The following IL15RA variants were observed in gnomAD, a reference collection of about 807,000 sequenced individuals.
IL15RA encodes interleukin 15 receptor subunit alpha.
IL15RA carries 26 observed loss-of-function variants against 24.2 expected under a neutral mutation model. That is an observed-to-expected ratio of 1.07 (90% CI 0.79 to 1.49). The LOEUF (loss-of-function observed/expected upper bound fraction) is 1.49. Among genes scored for constraint, IL15RA ranks in the 40% most tolerant of loss-of-function variants. The pLI, the probability that IL15RA is intolerant of heterozygous loss-of-function variation, is 0.00. For synonymous variants in IL15RA, 166 were observed against 157.6 expected (o/e 1.05, Z -0.40); for missense variants, 354 against 356.4 (o/e 0.99, Z 0.05).
chr10:5,953,437 G>C lies in IL15RA; in HGVS notation c.693-231C>G. 1 of 688,806 alleles carries C rather than the reference G, an allele frequency of 1.5e-6. No homozygotes were observed. The highest frequency in any genetic ancestry group is 2.7e-6 in the Non-Finnish European group (1 of 376,630). The allele number at this position is 688,806 out of a possible 1,614,324, so 42.7% of individuals were successfully genotyped here. On this transcript the variant is annotated intron_variant, in intron 6 of 6. Transcript: ENST00000379977. This position sits in a 1 kb window ranked among gnomAD's most constrained non-coding sequence, Gnocchi z 5.3. ...CTATCTAGGGGCCAGGTGTGGTGGC[G>C]CATGCCTGTAATCCTAGCACTTTAG...
Position 5,966,623 on chromosome 10 carries a change from A to G in IL15RA, c.89-284T>C, listed in dbSNP as rs939803339. ...TCCCTTCATTTCCCACCCCTCTCCA[A>G]GCCCTCAGTCTCTCTTAAAGTCTTC... On this transcript the variant is annotated intron_variant, in intron 1 of 6. Transcript: ENST00000379977. The surrounding 1 kb of genome is among the most constrained non-coding windows in gnomAD (Gnocchi z 6.4). 6.6e-6 allele frequency among the ~76,000 whole-genome samples: 1 copy of G among 151,976 alleles called. No homozygotes were observed. Among genetic ancestry groups the G allele is most frequent in the Non-Finnish European group, 1.5e-5 (1 of 67,976 alleles).
chr10:5,955,063 T>C lies in IL15RA; in HGVS notation c.692+1316A>G, dbSNP rs1396341502. Among the ~76,000 whole-genome samples, 2 of 152,158 alleles carry C rather than the reference T, an allele frequency of 1.3e-5. No individual in the cohort carries two copies. Among genetic ancestry groups the C allele is most frequent in the Admixed American group, 6.5e-5 (1 of 15,270 alleles). ...GACTTTATAGTAGCATTTCATGGAATGTGCATTTTGTCAAAATTAGGCTCA... is the reference window on the plus strand; with the variant it reads ...GACTTTATAGTAGCATTTCATGGAACGTGCATTTTGTCAAAATTAGGCTCA... On this transcript the variant is annotated intron_variant, in intron 6 of 6. Coordinates refer to ENST00000379977, the MANE Select transcript of IL15RA (RefSeq NM_002189.4). The surrounding 1 kb of genome is among the most constrained non-coding windows in gnomAD (Gnocchi z 5.3).
At position 5,971,009 on chromosome 10, in the gene IL15RA, T is replaced by C. The variant is rs11256163; in HGVS notation, c.89-4670A>G. Among the ~76,000 whole-genome samples the C allele has an allele frequency of 0.029, 4,394 of 152,180 alleles. 212 individuals are homozygous for C. Among genetic ancestry groups the C allele is most frequent in the African/African-American group, 0.1 (4,128 of 41,484 alleles). Reference sequence around the variant, plus strand: ...CTGAACTCAAGCCGTCCTCCAGAGATAATACATTTAATTGAAGCAATAACT... The same window carrying C: ...CTGAACTCAAGCCGTCCTCCAGAGACAATACATTTAATTGAAGCAATAACT... On this transcript the variant is annotated intron_variant, in intron 1 of 6. Coordinates refer to ENST00000379977, the MANE Select transcript of IL15RA (RefSeq NM_002189.4). The surrounding 1 kb of genome is among the most constrained non-coding windows in gnomAD (Gnocchi z 5.5).
chr10:5,949,878 C>T (rs41294019), downstream of IL15RA, among the ~76,000 whole-genome samples: 26,443 of 151,994 alleles, frequency 0.17, 2,436 homozygotes, highest in Non-Finnish European at 0.2. The surrounding 1 kb of genome is among the most constrained non-coding windows in gnomAD (Gnocchi z 4.4). Flanking sequence ...GTTGGATCAC[C>T]TGAGGTCAGG....
At position 5,962,366 on chromosome 10, in the gene IL15RA, C is replaced by T. The variant is rs1159261610; in HGVS notation, c.382+1377G>A. Among the ~76,000 whole-genome samples the T allele has an allele frequency of 2.0e-5, 3 of 152,050 alleles. No homozygotes were observed. Among genetic ancestry groups the T allele is most frequent in the African/African-American group, 4.8e-5 (2 of 41,402 alleles). On this transcript the variant is annotated intron_variant, in intron 3 of 6. Coordinates refer to ENST00000379977, the MANE Select transcript of IL15RA (RefSeq NM_002189.4). This position sits in a 1 kb window ranked among gnomAD's most constrained non-coding sequence, Gnocchi z 5.2. ...CAGCACTTTGGGAGACTAAGGCTTG[C>T]GGATCACCTGAGGTCAGGAGTTTGA...
rs1233210934 is a variant in IL15RA, at chr10:5,967,888, G to A, written c.89-1549C>T. ...AGCCTGGCTAACATGGTGAAAGCCCGTCTCTACTAAAATACAAAAAATTAG... is the reference window on the plus strand; with the variant it reads ...AGCCTGGCTAACATGGTGAAAGCCCATCTCTACTAAAATACAAAAAATTAG... On this transcript the variant is annotated intron_variant, in intron 1 of 6. Transcript: ENST00000379977. The surrounding 1 kb of genome is among the most constrained non-coding windows in gnomAD (Gnocchi z 4.4). Among the ~76,000 whole-genome samples, 6 of 152,034 alleles carry A rather than the reference G, an allele frequency of 3.9e-5. No individual in the cohort carries two copies. Among genetic ancestry groups the A allele is most frequent in the African/African-American group, 1.4e-4 (6 of 41,404 alleles).
In IL15RA at chr10:5,966,025, C is replaced by G. The variant is rs1836461592; in HGVS notation, c.283+120G>C. On this transcript the variant is annotated intron_variant, in intron 2 of 6. Coordinates refer to ENST00000379977, the MANE Select transcript of IL15RA (RefSeq NM_002189.4). This position sits in a 1 kb window ranked among gnomAD's most constrained non-coding sequence, Gnocchi z 6.4. Reference sequence around the variant, plus strand: ...TGTGAGCCACCGTGCCCGGCCCCCACTGGTGTGTTTAGCCTCAGACCTCAG... The same window carrying G: ...TGTGAGCCACCGTGCCCGGCCCCCAGTGGTGTGTTTAGCCTCAGACCTCAG... 4.5e-6 allele frequency: 3 copies of G among 661,194 alleles called. No individual in the cohort carries two copies. The highest frequency in any genetic ancestry group is 4.1e-4 in the Middle Eastern group (1 of 2,454). 41.0% of individuals were successfully genotyped at this position (661,194 alleles called of 1,614,324 possible). A position where few individuals can be genotyped will look rare whatever the true frequency, so the allele number is the denominator to read the frequency against.
downstream of IL15RA, among the ~76,000 whole-genome samples, chr10:5,951,007 G>C (rs1390571896): frequency 1.3e-5 from 2 of 151,908 alleles, no homozygotes; most frequent in Non-Finnish European, 2.9e-5. Context: ...CGGGCATGGT[G>C]GTGGGCACCT....
rs780820993 is a variant in IL15RA, at chr10:5,958,960, T to C, written c.616+794A>G. Among the ~76,000 whole-genome samples the C allele has an allele frequency of 4.6e-5, 7 of 152,070 alleles. No individual in the cohort carries two copies. Among genetic ancestry groups the C allele is most frequent in the Non-Finnish European group, 8.8e-5 (6 of 68,008 alleles). On this transcript the variant is annotated intron_variant, in intron 5 of 6. Coordinates refer to ENST00000379977, the MANE Select transcript of IL15RA (RefSeq NM_002189.4). The surrounding 1 kb of genome is among the most constrained non-coding windows in gnomAD (Gnocchi z 4.3). The stretch of plus-strand genomic sequence containing the variant: ...CTTCCTCCCTGCCTGCTTCCCTTCT[T>C]CCTCCTGTTCTCCCCTCCTCTCTCA...
chr10:5,966,313 C>G lies in IL15RA; in HGVS notation c.115G>C (p.Val39Leu). The change falls in exon 2 of 7, where the codon GTG becomes CTG. Residue 39 changes from valine (V) to leucine (L), a missense_variant. Transcript: ENST00000379977. This position sits in a 1 kb window ranked among gnomAD's most constrained non-coding sequence, Gnocchi z 6.4. ...TTGACCCAGATGTCTGCGTGTTCCA[C>G]GGACATGGGGGGAGGGCACGTGATG... The part of the protein sequence containing the change: ...RGITCPPPMS[V>L]EHADIWVKSY... 1 of 1,611,368 alleles carries G rather than the reference C, an allele frequency of 6.2e-7. No homozygotes were observed.
chr10:5,965,082 G>C lies in IL15RA; in HGVS notation c.283+1063C>G, dbSNP rs1836282103. 6.6e-6 allele frequency among the ~76,000 whole-genome samples: 1 copy of C among 152,202 alleles called. No individual in the cohort carries two copies. ...GAGCTATGGGGCCGCTCCATGCAGG[G>C]GCGCGCTCATCCCTGCCCCAGAGAT... is the stretch of plus-strand genomic sequence containing the variant. On this transcript the variant is annotated intron_variant, in intron 2 of 6. Transcript: ENST00000379977. The surrounding 1 kb of genome is among the most constrained non-coding windows in gnomAD (Gnocchi z 5.8).
Position 5,973,513 on chromosome 10 carries a change from C to T in IL15RA, c.88+3892G>A, listed in dbSNP as rs1342064540. Among the ~76,000 whole-genome samples, 1 of 152,186 alleles carries T rather than the reference C, an allele frequency of 6.6e-6. No individual in the cohort carries two copies. Among genetic ancestry groups the T allele is most frequent in the Non-Finnish European group, 1.5e-5 (1 of 68,030 alleles). On this transcript the variant is annotated intron_variant, in intron 1 of 6. Transcript: ENST00000379977. The surrounding 1 kb of genome is among the most constrained non-coding windows in gnomAD (Gnocchi z 4.5). ...TTGTATACTGCAACCAACTTAGACA[C>T]ATATGGCTGACTGATGTTCAAAAGG...
At position 5,966,019 on chromosome 10, in the gene IL15RA, C is replaced by A. The variant is rs8177686; in HGVS notation, c.283+126G>T. ...TACAGGTGTGAGCCACCGTGCCCGG[C>A]CCCCACTGGTGTGTTTAGCCTCAGA... On this transcript the variant is annotated intron_variant, in intron 2 of 6. Transcript: ENST00000379977. This position sits in a 1 kb window ranked among gnomAD's most constrained non-coding sequence, Gnocchi z 6.4. The A allele has an allele frequency of 4.7e-3, 2,941 of 619,414 alleles. 50 individuals are homozygous for A. Among genetic ancestry groups the A allele is most frequent in the African/African-American group, 0.041 (2,274 of 54,866 alleles). 38.4% of individuals were successfully genotyped at this position (619,414 alleles called of 1,614,324 possible).
rs1044653172 is a variant in IL15RA at position 5,963,533 on chromosome 10, T to A, written c.382+210A>T. Among the ~76,000 whole-genome samples the A allele has an allele frequency of 5.9e-5, 9 of 152,226 alleles. No homozygotes were observed. The highest frequency in any genetic ancestry group is 2.2e-4 in the African/African-American group (9 of 41,462). On this transcript the variant is annotated intron_variant, in intron 3 of 6. Coordinates refer to ENST00000379977, the MANE Select transcript of IL15RA (RefSeq NM_002189.4). The surrounding 1 kb of genome is among the most constrained non-coding windows in gnomAD (Gnocchi z 5.3). ...GTGAGTTTTAAACCACTATTAATTC[T>A]GCACATATAACACCTGGATATCAAG...
chr10:5,972,767 T>C (rs1433234455), intron 1 of IL15RA, among the ~76,000 whole-genome samples: 1 of 152,218 alleles, frequency 6.6e-6, no homozygotes, highest in African/African-American at 2.4e-5. Context: ...TTTTATTTAC[T>C]CAGTCCTCCG....
intron 1 of IL15RA, among the ~76,000 whole-genome samples, chr10:5,976,103 A>C (rs1487983781): frequency 2.0e-5 from 3 of 152,148 alleles, no homozygotes; most frequent in African/African-American, 7.2e-5. Context: ...TTTCACTTTC[A>C]TATTGTGTAA....
intron 1 of IL15RA, among the ~76,000 whole-genome samples, chr10:5,974,008 G>GA (rs142005407): frequency 1.4e-3 from 194 of 141,012 alleles, no homozygotes; most frequent in East Asian, 1.6e-3. Context: ...GACAGAGTCA[G>GA]AAAAAAAAAA....
rs1435639815 is a variant in IL15RA, at chr10:5,959,206, A to G, written c.616+548T>C. 1.5e-5 allele frequency among the ~76,000 whole-genome samples: 2 copies of G among 134,150 alleles called. No homozygotes were observed. The highest frequency in any genetic ancestry group is 5.7e-5 in the African/African-American group (2 of 35,292). 88.0% of individuals were successfully genotyped at this position (134,150 alleles called of 152,430 possible). A position where few individuals can be genotyped will look rare whatever the true frequency, so the allele number is the denominator to read the frequency against. ...TTTTTAATAGAGATGGGGTCTTGCT[A>G]TGTTGACCAGGCTGGCCTCAAATTC... On this transcript the variant is annotated intron_variant, in intron 5 of 6. Coordinates refer to ENST00000379977, the MANE Select transcript of IL15RA (RefSeq NM_002189.4). This position sits in a 1 kb window ranked among gnomAD's most constrained non-coding sequence, Gnocchi z 4.1.
intron 1 of IL15RA, among the ~76,000 whole-genome samples, chr10:5,974,488 C>G (rs564838599): frequency 6.6e-6 from 1 of 151,862 alleles, no homozygotes; most frequent in South Asian, 2.1e-4. Flanking sequence ...CAAGAGCTGA[C>G]AAGGGTGTGA....
Sources: allele counts gnomAD v4.1 joint callset (sites outside exome capture counted in the v4.1 genomes callset), GRCh38; gene constraint gnomAD v4.1.1; non-coding constraint Gnocchi (gnomAD v3.1); transcripts MANE v1.5; gene names NCBI Gene and HGNC (gene_info 2026-07-23, HGNC 2026-07-21).